Variants in WNK2 observed in about 807,000 individuals in gnomAD.
WNK2 encodes serine/threonine-protein kinase WNK2.
In WNK2, 67 loss-of-function variants were observed where a neutral mutation model predicts 192.1. The ratio of observed to expected loss-of-function variants is 0.35; its 90% CI spans 0.29 to 0.43. The LOEUF is 0.43. Among genes scored for constraint, WNK2 ranks in the 20% least tolerant of loss-of-function variants. The pLI, the probability that WNK2 is intolerant of heterozygous loss-of-function variation, is 1.00. For synonymous variants in WNK2, 1,439 were observed against 1,393.9 expected (o/e 1.03, Z -0.72); for missense variants, 2,698 against 3,089.7 (o/e 0.87, Z 3.01).
chr9:93,201,868 C>T (rs981642913), intron 2 of WNK2, among the ~76,000 whole-genome samples: 6 of 152,216 alleles, frequency 3.9e-5, no homozygotes, highest in African/African-American at 1.4e-4. Context: ...CCCTGCCGGC[C>T]GCTTCCTGAA....
rs1378839041 is a variant in WNK2, at chr9:93,189,912, C to G, written c.681+4302C>G. Among the ~76,000 whole-genome samples, 4 of 152,236 alleles carry G rather than the reference C, an allele frequency of 2.6e-5. No individual in the cohort carries two copies. The South Asian group carries it at 6.2e-4, about 24-fold the overall frequency. On this transcript the variant is annotated intron_variant, in intron 2 of 29. Transcript: ENST00000427277. ...CAGCTGAAATGGGGAGAAGAGGAGACGAGGGGACGAGCCAGTGCCGGGCAC... is the reference window on the plus strand; with the variant it reads ...CAGCTGAAATGGGGAGAAGAGGAGAGGAGGGGACGAGCCAGTGCCGGGCAC...
Position 93,289,630 on chromosome 9 carries a change from T to G in WNK2, c.4866+10T>G. 6.9e-7 allele frequency: 1 copy of G among 1,454,344 alleles called. No homozygotes were observed. The highest frequency in any genetic ancestry group is 9.0e-7 in the Non-Finnish European group (1 of 1,108,632). The allele number at this position is 1,454,344 out of a possible 1,614,324, so 90.1% of individuals were successfully genotyped here. A position where few individuals can be genotyped will look rare whatever the true frequency, so the allele number is the denominator to read the frequency against. The stretch of plus-strand genomic sequence containing the variant: ...GCTGCCCCAGCCCTTGGTGAGTAGC[T>G]GCCTTGTCCCAGAGACACTGCCCTG... On this transcript the variant is annotated intron_variant, in intron 20 of 29. Transcript: ENST00000427277.
chr9:93,318,570 T>C (rs1855132220), intron 29 of WNK2: 1 of 1,612,834 alleles, frequency 6.2e-7, no homozygotes, highest in African/African-American at 1.3e-5. Context: ...GGATAAGGTG[T>C]GTGTTGGGCA....
intron 4 of WNK2, among the ~76,000 whole-genome samples, chr9:93,231,770 CT>C (rs1838855773): frequency 6.6e-6 from 1 of 152,250 alleles, no homozygotes; most frequent in South Asian, 2.1e-4. Flanking sequence ...TCCCAGCCTT[CT>C]TTTGGGGCGA....
intron 11 of WNK2, among the ~76,000 whole-genome samples, chr9:93,258,423 G>T (rs929247606): frequency 2.0e-5 from 3 of 152,216 alleles, no homozygotes; most frequent in African/African-American, 7.2e-5. Flanking sequence ...GTTTCAACTT[G>T]AATTTGTGCA....
At chr9:93,291,230 G>A (rs1452154245) in intron 21 of WNK2, among the ~76,000 whole-genome samples, 3 of 152,170 alleles carry the variant, frequency 2.0e-5, no homozygotes, top group South Asian at 4.1e-4. Flanking sequence ...TGCCTGTGGC[G>A]CTCCACGGAC....
intron 5 of WNK2, among the ~76,000 whole-genome samples, chr9:93,235,955 T>C (rs779984374): frequency 2.0e-4 from 30 of 151,972 alleles, no homozygotes; most frequent in Admixed American, 4.6e-4. Context: ...ATCGGTCACT[T>C]GGTTGTTCTG....
chr9:93,259,311 T>C lies in WNK2; in HGVS notation c.2763T>C (p.Pro921=), dbSNP rs572666141. The C allele has an allele frequency of 6.2e-7, 1 of 1,613,502 alleles. No individual in the cohort carries two copies. Among genetic ancestry groups the C allele is most frequent in the South Asian group, 1.1e-5 (1 of 91,058 alleles). The change falls in exon 12 of 30, where the codon CCT becomes CCC. Residue 921 remains proline (P), a synonymous_variant. Transcript: ENST00000427277. This position sits in a 1 kb window ranked among gnomAD's most constrained non-coding sequence, Gnocchi z 4.8. ...CAGCGGCCTTCCCACAGATGGCGCC[T>C]ACTGACGTCCCTCCTTCCCCCCATC... ...VYPAAFPQMA[P]TDVPPSPHHT... is the part of the protein sequence containing the mutation.
intron 9 of WNK2, among the ~76,000 whole-genome samples, chr9:93,253,698 A>G (rs1842901284): frequency 6.6e-6 from 1 of 152,144 alleles, no homozygotes; most frequent in Non-Finnish European, 1.5e-5. Flanking sequence ...GTGGCAAAGG[A>G]GTGATGGAAC....
Position 93,220,146 on chromosome 9 carries a change from T to C in WNK2, c.682-9550T>C, listed in dbSNP as rs181657346. ...GGGCCAGGCCTCCTCTGGAGGCAGG[T>C]GTACCACCCAGAGCCCACGAGGGTG... On this transcript the variant is annotated intron_variant, in intron 2 of 29. Coordinates refer to ENST00000427277, the MANE Select transcript of WNK2 (RefSeq NM_006648.4). Among the ~76,000 whole-genome samples the C allele has an allele frequency of 3.3e-3, 503 of 152,294 alleles. 4 individuals carry two copies. Among genetic ancestry groups the C allele is most frequent in the Non-Finnish European group, 5.7e-3 (391 of 68,016 alleles).
At chr9:93,294,372 A>T (rs1849900183) in intron 23 of WNK2, among the ~76,000 whole-genome samples, 1 of 152,246 alleles carries the variant, frequency 6.6e-6, no homozygotes, top group South Asian at 2.1e-4. Context: ...AGAGGCCTCC[A>T]GGAAGGTGGC....
Position 93,257,003 on chromosome 9 carries a change from T to C in WNK2, c.2246T>C (p.Val749Ala). ...PLPQVLAPQP[V>A]VPLQPVPPHL... is the part of the protein sequence containing the mutation. ...CCGCAGGTCCTGGCCCCACAGCCCGTGGTCCCCCTCCAGCCGGTTCCCCCC... is the reference window on the plus strand; with the variant it reads ...CCGCAGGTCCTGGCCCCACAGCCCGCGGTCCCCCTCCAGCCGGTTCCCCCC... The change falls in exon 11 of 30, where the codon GTG becomes GCG. Residue 749 changes from valine (V) to alanine (A), a missense_variant. Coordinates refer to ENST00000427277, the MANE Select transcript of WNK2 (RefSeq NM_006648.4). The surrounding 1 kb of genome is among the most constrained non-coding windows in gnomAD (Gnocchi z 4.7). 6.2e-7 allele frequency: 1 copy of C among 1,600,470 alleles called. No homozygotes were observed. The highest frequency in any genetic ancestry group is 8.5e-7 in the Non-Finnish European group (1 of 1,176,906).
chr9:93,263,530 C>G, intron 14 of WNK2, 36 bp from the exon 15 acceptor site: 1 of 1,606,660 alleles, frequency 6.2e-7, no homozygotes, highest in Non-Finnish European at 8.5e-7. Context: ...TGCTGGTTGT[C>G]CTTTGGTGCC....
At chr9:93,303,788 G>A (rs114219384) in intron 26 of WNK2, among the ~76,000 whole-genome samples, 4 of 152,216 alleles carry the variant, frequency 2.6e-5, no homozygotes, top group Admixed American at 2.6e-4. Flanking sequence ...CAGAGCCAAG[G>A]CAGATCCTGC....
intron 19 of WNK2, among the ~76,000 whole-genome samples, chr9:93,272,413 T>C (rs1009871778): frequency 1.3e-5 from 2 of 152,100 alleles, no homozygotes; most frequent in African/African-American, 4.8e-5. Flanking sequence ...AAGATGTGTA[T>C]AGGCAAAATC....
chr9:93,258,728 G>T (rs941811545), intron 11 of WNK2, among the ~76,000 whole-genome samples: 2 of 152,058 alleles, frequency 1.3e-5, no homozygotes, highest in South Asian at 2.1e-4. Flanking sequence ...AGCTTTACAT[G>T]GTTGAGATTT....
Position 93,293,143 on chromosome 9 carries a change from TAAA to T in WNK2, c.5679_5681del (p.Ile1893_Lys1894delinsMet), listed in dbSNP as rs770158268. 1.4e-5 allele frequency: 22 copies of T among 1,560,256 alleles called. No individual in the cohort carries two copies. The African/African-American group carries it at 1.9e-4, about 14-fold the overall frequency. On this transcript the variant is annotated inframe_deletion, in exon 23 of 30. Coordinates refer to ENST00000427277, the MANE Select transcript of WNK2 (RefSeq NM_006648.4). The stretch of plus-strand genomic sequence containing the variant: ...GATTCGGAGCTCGAGGATGCTGACA[TAAA>T]GAAGGAGCTGCAGAGTCTGCGGGAG...
Position 93,317,532 on chromosome 9 carries a change from C to T in WNK2, c.6529C>T (p.Arg2177Ter), listed in dbSNP as rs1259812378. ...CTGTGTTTTGTAGATGACCGCACCT[C>T]GAGCAGGAGTGGGGATGCCACGTCT... ...PGEARAMTAP[R>*]AGVGMPRLPP... The change falls in exon 29 of 30, where the codon CGA becomes TGA. Residue 2177 changes from arginine (R) to a stop codon, truncating the protein, a stop_gained. Coordinates refer to ENST00000427277, the MANE Select transcript of WNK2 (RefSeq NM_006648.4). LOFTEE classifies it high-confidence loss of function. 8 of 1,613,608 alleles carry T rather than the reference C, an allele frequency of 5.0e-6. No individual in the cohort carries two copies. The highest frequency in any genetic ancestry group is 1.7e-5 in the Admixed American group (1 of 59,994).
At chr9:93,220,440 G>A (rs942053801) in intron 2 of WNK2, among the ~76,000 whole-genome samples, 4 of 152,192 alleles carry the variant, frequency 2.6e-5, no homozygotes, top group Non-Finnish European at 4.4e-5. Context: ...CAGCACAGCC[G>A]TGCACTAACC....
Sources: allele counts gnomAD v4.1 joint callset (sites outside exome capture counted in the v4.1 genomes callset), GRCh38; gene constraint gnomAD v4.1.1; non-coding constraint Gnocchi (gnomAD v3.1); transcripts MANE v1.5; gene names NCBI Gene and HGNC (gene_info 2026-07-23, HGNC 2026-07-21).